The following CNTNAP2 variants were observed in gnomAD, a reference collection of about 807,000 sequenced individuals.
The protein encoded by CNTNAP2 is contactin-associated protein-like 2.
Under a neutral mutation model 155.2 loss-of-function variants are expected in CNTNAP2, and 98 were observed. That is an observed-to-expected ratio of 0.63 (90% CI 0.54 to 0.75). The LOEUF is 0.75. Among genes scored for constraint, CNTNAP2 ranks in the 30% least tolerant of loss-of-function variants. The pLI is 0.00. For missense variants in CNTNAP2, 1,727 were observed against 1,688.1 expected, an observed-to-expected ratio of 1.02 and a Z score of -0.40; for synonymous variants, 651 against 631.2, an observed-to-expected ratio of 1.03 and a Z score of -0.47.
intron 1 of CNTNAP2, among the ~76,000 whole-genome samples, chr7:146,312,079 A>G (rs1800835016): frequency 6.6e-6 from 1 of 152,182 alleles, no homozygotes; most frequent in Admixed American, 6.5e-5. Flanking sequence ...TTTTTCTGGA[A>G]GAGGCTATTA....
rs77920477 is a variant in CNTNAP2, at chr7:147,699,133, C to T, written c.2098+59827C>T. ...TTATAACTTAATGTTTAGATTATAA[C>T]GATTTAAAAAAAGAATAAATATATA... On this transcript the variant is annotated intron_variant, in intron 13 of 23. Transcript: ENST00000361727. 6.8e-3 allele frequency among the ~76,000 whole-genome samples: 1,011 copies of T among 149,036 alleles called. 12 individuals are homozygous for T. The highest frequency in any genetic ancestry group is 0.023 in the African/African-American group (948 of 40,376).
chr7:148,009,248 T>C (rs959772701), intron 15 of CNTNAP2, among the ~76,000 whole-genome samples: 1 of 152,190 alleles, frequency 6.6e-6, no homozygotes, highest in Non-Finnish European at 1.5e-5. Context: ...AAAGCCTATT[T>C]TGTAATAAAA....
At chr7:146,354,459 GC>G (rs1446742021) in intron 1 of CNTNAP2, among the ~76,000 whole-genome samples, 1 of 137,284 alleles carries the variant, frequency 7.3e-6, no homozygotes, top group Non-Finnish European at 1.5e-5. Flanking sequence ...CTGTCGCCCC[GC>G]CTGGAGTGCA....
chr7:146,339,532 T>C (rs1801337617), intron 1 of CNTNAP2, among the ~76,000 whole-genome samples: 1 of 152,334 alleles, frequency 6.6e-6, no homozygotes, highest in African/African-American at 2.4e-5. Flanking sequence ...GTTGAATGTT[T>C]GTATATTGAA....
At chr7:146,197,595 A>G (rs2116861527) in intron 1 of CNTNAP2, among the ~76,000 whole-genome samples, 1 of 152,316 alleles carries the variant, frequency 6.6e-6, no homozygotes, top group East Asian at 1.9e-4. Context: ...TCCAGATACA[A>G]GAGACTTAAA....
chr7:146,619,100 A>G (rs1799276466), intron 1 of CNTNAP2, among the ~76,000 whole-genome samples: 1 of 151,976 alleles, frequency 6.6e-6, no homozygotes, highest in Non-Finnish European at 1.5e-5. Context: ...TGAAATTTCT[A>G]AAATAATAAA....
chr7:147,043,250 C>T (rs1200748581), intron 3 of CNTNAP2, among the ~76,000 whole-genome samples: 3 of 151,006 alleles, frequency 2.0e-5, no homozygotes, highest in Admixed American at 2.0e-4. Context: ...ATTTGTTCTC[C>T]GCTGAGAGGA....
At chr7:148,043,388 C>A (rs1802712912) in intron 15 of CNTNAP2, among the ~76,000 whole-genome samples, 1 of 152,204 alleles carries the variant, frequency 6.6e-6, no homozygotes, top group Admixed American at 6.5e-5. Flanking sequence ...ACGAAACACA[C>A]AGGAGGCCTC....
chr7:148,174,039 GTGAAA>G (rs915253430), intron 18 of CNTNAP2, among the ~76,000 whole-genome samples: 84 of 152,328 alleles, frequency 5.5e-4, no homozygotes, highest in African/African-American at 1.7e-3. Context: ...TGCAGATAAA[GTGAAA>G]TGACGCCTGT....
intron 21 of CNTNAP2, among the ~76,000 whole-genome samples, chr7:148,268,113 A>G (rs1796707349): frequency 6.6e-6 from 1 of 152,184 alleles, no homozygotes; most frequent in Non-Finnish European, 1.5e-5. Context: ...AATTTTTAAA[A>G]TATCGATATG....
At chr7:148,355,363 C>T (rs1192245657) in intron 21 of CNTNAP2, among the ~76,000 whole-genome samples, 1 of 151,330 alleles carries the variant, frequency 6.6e-6, no homozygotes, top group Non-Finnish European at 1.5e-5. Flanking sequence ...CCACTATGGT[C>T]GATCAGTATT....
chr7:146,330,915 G>A (rs1025442789), intron 1 of CNTNAP2, among the ~76,000 whole-genome samples: 3 of 152,234 alleles, frequency 2.0e-5, no homozygotes, highest in Non-Finnish European at 1.5e-5. Flanking sequence ...AGGATTTCTG[G>A]AGAAAAGTAA....
chr7:146,328,843 C>T (rs920864513), intron 1 of CNTNAP2, among the ~76,000 whole-genome samples: 3 of 152,162 alleles, frequency 2.0e-5, no homozygotes, highest in African/African-American at 7.2e-5. Context: ...TCAGATTGAT[C>T]CATGTTGTCA....
intron 1 of CNTNAP2, among the ~76,000 whole-genome samples, chr7:146,749,573 A>G (rs956604367): frequency 6.6e-6 from 1 of 152,222 alleles, no homozygotes; most frequent in Non-Finnish European, 1.5e-5. Context: ...CCAAAAAATG[A>G]CTATCCATGC....
intron 10 of CNTNAP2, among the ~76,000 whole-genome samples, chr7:147,400,632 T>C (rs907626751): frequency 1.3e-5 from 2 of 152,160 alleles, no homozygotes; most frequent in Admixed American, 1.3e-4. Flanking sequence ...TTTTACTTTA[T>C]GCTAGGCAGA....
chr7:147,469,505 A>ACTTTTTTTTTTTTTT (rs1798175496), intron 10 of CNTNAP2, among the ~76,000 whole-genome samples: 1 of 80,724 alleles, frequency 1.2e-5, no homozygotes, highest in Non-Finnish European at 2.4e-5. Context: ...GTCAGGCTGC[A>ACTTTTTTTTTTTTTT]ATTTTTTTTT....
At chr7:146,142,471 A>C (rs988279391) in intron 1 of CNTNAP2, among the ~76,000 whole-genome samples, 6 of 152,202 alleles carry the variant, frequency 3.9e-5, no homozygotes, top group African/African-American at 9.6e-5. Flanking sequence ...AGAACACCCA[A>C]GTTTTCATGA....
chr7:146,826,695 C>T (rs1803407056), intron 2 of CNTNAP2, among the ~76,000 whole-genome samples: 1 of 152,060 alleles, frequency 6.6e-6, no homozygotes, highest in African/African-American at 2.4e-5. Flanking sequence ...TTCCACACTC[C>T]TTTCCTAGTG....
At chr7:146,168,582 A>G (rs1798346319) in intron 1 of CNTNAP2, among the ~76,000 whole-genome samples, 1 of 149,910 alleles carries the variant, frequency 6.7e-6, no homozygotes, top group Admixed American at 6.6e-5. Flanking sequence ...GTCCAAGAAT[A>G]TGAGGTCTTA....
Sources: allele counts gnomAD v4.1 joint callset (sites outside exome capture counted in the v4.1 genomes callset), GRCh38; gene constraint gnomAD v4.1.1; transcripts MANE v1.5; gene names NCBI Gene and HGNC (gene_info 2026-07-23, HGNC 2026-07-21).